The following PFKFB1 variants were observed in gnomAD, a reference collection of about 807,000 sequenced individuals.
The protein encoded by PFKFB1 is 6-phosphofructo-2-kinase/fructose-2,6-bisphosphatase 1.
In PFKFB1, 34 loss-of-function variants were observed where a neutral mutation model predicts 46.4. That is an observed-to-expected ratio of 0.73 (90% CI 0.56 to 0.98). The LOEUF is 0.98. PFKFB1 is among the 50% of genes least tolerant of loss of function. PFKFB1 has a pLI of 0.00. For synonymous variants in PFKFB1, 119 were observed against 133.8 expected (o/e 0.89, Z 0.76); for missense variants, 393 against 376.3 (o/e 1.04, Z -0.37).
chrX:54,939,251 C>G (rs996082471), intron 10 of PFKFB1, among the ~76,000 whole-genome samples: 23 of 110,912 alleles, frequency 2.1e-4, no homozygotes, highest in Non-Finnish European at 3.4e-4. Context: ...GCAGTGTGTA[C>G]AGGGAAATTT....
intron 10 of PFKFB1, among the ~76,000 whole-genome samples, chrX:54,944,432 T>G (rs1308442575): frequency 9.0e-6 from 1 of 111,573 alleles, no homozygotes; most frequent in Admixed American, 9.6e-5. Flanking sequence ...AAGACATATA[T>G]TTTCAGTTTG....
rs193224030 is a variant in PFKFB1 at position 54,956,642 on chromosome X, C to T, written c.517-368G>A. 1.6e-3 allele frequency among the ~76,000 whole-genome samples: 177 copies of T among 111,037 alleles called. 1 individual carries two copies. The highest frequency in any genetic ancestry group is 5.6e-3 in the African/African-American group (171 of 30,553). ...TGACTTACATGTATCAAGTGTTTAC[C>T]GGGAGATTATGATGTGCTGTCTTTG... On this transcript the variant is annotated intron_variant, in intron 6 of 13. Transcript: ENST00000375006.
Position 54,942,712 on chromosome X carries a change from C to T in PFKFB1, c.1098+2727G>A, listed in dbSNP as rs1933680229. ...TAAAAACTTAAGATAAGGGATGCCA[C>T]AATATAAAATAAATATGTTTGAAAC... On this transcript the variant is annotated intron_variant, in intron 10 of 13. Coordinates refer to ENST00000375006, the MANE Select transcript of PFKFB1 (RefSeq NM_002625.4). 2.7e-5 allele frequency among the ~76,000 whole-genome samples: 3 copies of T among 109,470 alleles called. No homozygotes were observed. The Admixed American group carries it at 2.9e-4, about 11-fold the overall frequency.
intron 1 of PFKFB1, among the ~76,000 whole-genome samples, chrX:54,969,904 ATTTAT>A (rs1934594475): frequency 8.9e-6 from 1 of 111,738 alleles, no homozygotes; most frequent in Non-Finnish European, 1.9e-5. Flanking sequence ...GAAATCTATA[ATTTAT>A]TTTATGTTTT....
At chrX:54,960,263 T>C (rs766206375) in intron 3 of PFKFB1, among the ~76,000 whole-genome samples, 23 of 112,712 alleles carry the variant, frequency 2.0e-4, no homozygotes, top group African/African-American at 6.4e-4. Flanking sequence ...AAGGCATTCC[T>C]GGCATGGGTA....
intron 10 of PFKFB1, among the ~76,000 whole-genome samples, chrX:54,938,167 C>A (rs1039786942): frequency 8.9e-6 from 1 of 111,919 alleles, no homozygotes; most frequent in African/African-American, 3.2e-5. Flanking sequence ...TTTTAAAAAC[C>A]GTACGGAAGT....
At chrX:54,962,521 C>A (rs1325187398) in intron 2 of PFKFB1, among the ~76,000 whole-genome samples, 1 of 111,803 alleles carries the variant, frequency 8.9e-6, no homozygotes, top group Non-Finnish European at 1.9e-5. Flanking sequence ...CATGGTAAAC[C>A]ATCGGGAAAC....
chrX:54,945,375 C>T (rs1418184043), intron 10 of PFKFB1, 64 bp downstream of exon 10: 3 of 619,318 alleles, frequency 4.8e-6, no homozygotes, highest in Non-Finnish European at 5.2e-6. Flanking sequence ...TTGTGGAATC[C>T]TAGCAGTTGC....
intron 1 of PFKFB1, 33 bp from the exon 2 acceptor site, chrX:54,963,415 C>G (rs1259921345): frequency 8.4e-7 from 1 of 1,197,428 alleles, no homozygotes. Context: ...AAAGCTTATC[C>G]TCAGATTCAT....
At chrX:54,994,383 A>C (rs1386660960), upstream of PFKFB1, 12 of 752,604 alleles carry the variant, frequency 1.6e-5, no homozygotes, top group Non-Finnish European at 1.9e-5. Flanking sequence ...TGAAGACAAG[A>C]CTAATAGAGT....
At chrX:54,962,202 C>T (rs1338061355) in intron 2 of PFKFB1, among the ~76,000 whole-genome samples, 1 of 111,606 alleles carries the variant, frequency 9.0e-6, no homozygotes, top group African/African-American at 3.3e-5. Flanking sequence ...TCCCATGTGC[C>T]TCTACACTCA....
At chrX:54,963,883 T>A in intron 1 of PFKFB1, among the ~76,000 whole-genome samples, 1 of 112,279 alleles carries the variant, frequency 8.9e-6, no homozygotes, top group Admixed American at 9.4e-5. Context: ...GCTGAAATTC[T>A]GCACAGACTA....
In PFKFB1 at chrX:54,994,088, G is replaced by A; in HGVS notation, c.-81C>T. On this transcript the variant is annotated 5_prime_UTR_variant, in exon 1 of 14. Transcript: ENST00000375006. ...TATCTTACTAGCTGTCTTTTCTCTC[G>A]CTGTGGCCACAGCAGCAGGTGGACA... 5.2e-6 allele frequency: 6 copies of A among 1,147,656 alleles called. No individual in the cohort carries two copies. Among genetic ancestry groups the A allele is most frequent in the South Asian group, 2.0e-5 (1 of 49,301 alleles). The allele number at this position is 1,147,656 out of a possible 1,213,427, so 94.6% of individuals were successfully genotyped here. A position where few individuals can be genotyped will look rare whatever the true frequency, so the allele number is the denominator to read the frequency against.
chrX:54,965,420 T>C (rs1366724722), intron 1 of PFKFB1, among the ~76,000 whole-genome samples: 1 of 111,629 alleles, frequency 9.0e-6, no homozygotes, highest in Non-Finnish European at 1.9e-5. Flanking sequence ...CTTTAAAGTA[T>C]TGTAAGAAAA....
At chrX:54,937,501 T>C in intron 11 of PFKFB1, 94 bp downstream of exon 11, 1 of 819,486 alleles carries the variant, frequency 1.2e-6, no homozygotes, top group Non-Finnish European at 1.7e-6. Flanking sequence ...TTCTAGATAC[T>C]CTTCTCTTAA....
chrX:54,960,747 G>T, intron 3 of PFKFB1, 77 bp downstream of exon 3: 1 of 638,980 alleles, frequency 1.6e-6, no homozygotes, highest in Admixed American at 2.4e-5. Flanking sequence ...AGATTATTCT[G>T]CCCTACTCCC....
intron 1 of PFKFB1, among the ~76,000 whole-genome samples, chrX:54,984,252 A>T (rs776834859): frequency 1.8e-5 from 2 of 111,987 alleles, no homozygotes; most frequent in African/African-American, 6.5e-5. Flanking sequence ...AATAATTTTT[A>T]AAAAATCCCT....
chrX:54,957,657 TG>T (rs1039036988), intron 6 of PFKFB1, among the ~76,000 whole-genome samples: 1 of 111,387 alleles, frequency 9.0e-6, no homozygotes, highest in Non-Finnish European at 1.9e-5. Flanking sequence ...GGACCGCATT[TG>T]TTGAAAGCAA....
At chrX:54,958,190 G>A (rs1934211493) in intron 6 of PFKFB1, 116 bp downstream of exon 6, 1 of 444,463 alleles carries the variant, frequency 2.2e-6, no homozygotes. Context: ...GAGAAGATCA[G>A]GGAGGAATAC....
Sources: allele counts gnomAD v4.1 joint callset (sites outside exome capture counted in the v4.1 genomes callset), GRCh38; gene constraint gnomAD v4.1.1; transcripts MANE v1.5; gene names NCBI Gene and HGNC (gene_info 2026-07-23, HGNC 2026-07-21).